Variants in FMN2 observed in about 807,000 individuals in gnomAD.
FMN2 encodes the protein formin 2, also known as formin-2.
Under a neutral mutation model 142.3 loss-of-function variants are expected in FMN2, and 51 were observed. The observed-to-expected ratio is 0.36, with a 90% CI of 0.29 to 0.45. The LOEUF is 0.45. Among genes scored for constraint, FMN2 ranks in the 20% least tolerant of loss-of-function variants. The probability of loss-of-function intolerance (pLI) is 1.00; values close to 1 mark genes in which losing one functional copy is unlikely to be tolerated. For missense variants in FMN2, 1,936 were observed against 2,122.8 expected, an observed-to-expected ratio of 0.91 and a Z score of 1.73; for synonymous variants, 882 against 869.8, an observed-to-expected ratio of 1.01 and a Z score of -0.25.
intron 2 of FMN2, chr1:240,142,567 G>GCAA: frequency 8.4e-7 from 1 of 1,196,204 alleles, no homozygotes; most frequent in Non-Finnish European, 1.2e-6. Flanking sequence ...AGAGCAGGAG[G>GCAA]CAACAATTCC....
At chr1:240,094,577 A>AGCTTACAG (rs1553322891) in intron 1 of FMN2, among the ~76,000 whole-genome samples, 1 of 152,174 alleles carries the variant, frequency 6.6e-6, no homozygotes, top group Non-Finnish European at 1.5e-5. Context: ...AGTTTATCCT[A>AGCTTACAG]GCTTACAGGC....
chr1:240,329,379 C>A lies in FMN2; in HGVS notation c.4348C>A (p.Arg1450=). ...GTCACTAATCCCCAACTTTTCAGAG[C>A]GAGTCTTTTGCATCCTGTTCCAGTC... The part of the protein sequence containing the change: ...ELSLIPNFSE[R]VFCILFQSTF... The change falls in exon 10 of 18, where the codon CGA becomes AGA. Residue 1450 remains arginine (R), a synonymous_variant. Transcript: ENST00000319653. 6.2e-7 allele frequency: 1 copy of A among 1,613,834 alleles called. No individual in the cohort carries two copies. Among genetic ancestry groups the A allele is most frequent in the Non-Finnish European group, 8.5e-7 (1 of 1,179,910 alleles).
At chr1:240,232,119 G>C (rs779242997) in intron 6 of FMN2, among the ~76,000 whole-genome samples, 5 of 151,730 alleles carry the variant, frequency 3.3e-5, no homozygotes, top group Non-Finnish European at 7.4e-5. Context: ...CACCAGGCTG[G>C]AGTGCAATGA....
At chr1:240,245,882 A>G (rs932196950) in intron 6 of FMN2, among the ~76,000 whole-genome samples, 10 of 152,132 alleles carry the variant, frequency 6.6e-5, no homozygotes, top group Non-Finnish European at 1.5e-5. Flanking sequence ...GGAAAAGGAT[A>G]GAGAAAGTAG....
intron 4 of FMN2, among the ~76,000 whole-genome samples, chr1:240,196,069 G>T (rs1665899118): frequency 6.6e-6 from 1 of 152,220 alleles, no homozygotes; most frequent in South Asian, 2.1e-4. Flanking sequence ...AGTAGGCAGA[G>T]TGAGTGATGG....
At chr1:240,143,575 G>C (rs917501094) in intron 2 of FMN2, 1 of 1,606,508 alleles carries the variant, frequency 6.2e-7, no homozygotes, top group Non-Finnish European at 8.5e-7. Flanking sequence ...CACATTCCCA[G>C]AGCCTGCCTA....
chr1:240,339,703 G>T (rs541343820), intron 13 of FMN2, among the ~76,000 whole-genome samples: 1 of 151,254 alleles, frequency 6.6e-6, no homozygotes, highest in South Asian at 2.1e-4. Flanking sequence ...TTTATCTTTT[G>T]TTCTATCTGG....
chr1:240,207,120 C>T lies in FMN2; in HGVS notation c.2308C>T (p.Pro770Ser), dbSNP rs773229569. 2 of 1,613,968 alleles carry T rather than the reference C, an allele frequency of 1.2e-6. No individual in the cohort carries two copies. Among genetic ancestry groups the T allele is most frequent in the Non-Finnish European group, 1.7e-6 (2 of 1,179,982 alleles). The change falls in exon 5 of 18, where the codon CCC (proline) becomes TCC (serine). Residue 770 changes from proline (P) to serine (S), a missense_variant. Pro to Ser is a moderately conservative substitution (Grantham distance 74). Transcript: ENST00000319653. ...VDGLPGRPPC[P>S]PGAESGPQTK... ...TGGGCTGCCAGGGCGTCCTCCATGC[C>T]CCCCTGGGGCTGAAAGTGGACCTCA...
At chr1:240,301,587 A>T (rs2102973310) in intron 8 of FMN2, among the ~76,000 whole-genome samples, 1 of 151,490 alleles carries the variant, frequency 6.6e-6, no homozygotes, top group African/African-American at 2.4e-5. Flanking sequence ...TCATCTTAGA[A>T]TTTTTTTTAT....
At chr1:240,405,220 A>G (rs1674106738) in intron 15 of FMN2, among the ~76,000 whole-genome samples, 2 of 152,154 alleles carry the variant, frequency 1.3e-5, no homozygotes, top group African/African-American at 4.8e-5. Flanking sequence ...AGGGCTGGAG[A>G]GGGCGAAGAT....
At chr1:240,434,787 T>C (rs891642386) in intron 15 of FMN2, among the ~76,000 whole-genome samples, 1 of 150,284 alleles carries the variant, frequency 6.7e-6, no homozygotes, top group Non-Finnish European at 1.5e-5. Flanking sequence ...TTAGCCAGGA[T>C]GGTCTCGATC....
intron 15 of FMN2, among the ~76,000 whole-genome samples, chr1:240,411,479 G>C (rs754488143): frequency 6.6e-6 from 1 of 151,798 alleles, no homozygotes; most frequent in Non-Finnish European, 1.5e-5. Flanking sequence ...GCTGAGGCAG[G>C]AGAATCGCTT....
intron 6 of FMN2, among the ~76,000 whole-genome samples, chr1:240,241,601 A>G (rs1215329531): frequency 1.3e-5 from 2 of 152,108 alleles, no homozygotes; most frequent in African/African-American, 4.8e-5. Context: ...CTCAATACAT[A>G]ATAGTTATTA....
rs1676877863 is a variant in FMN2 at position 240,473,538 on chromosome 1, G to T, written c.5143-590G>T. Among the ~76,000 whole-genome samples the T allele has an allele frequency of 6.6e-6, 1 of 152,104 alleles. No homozygotes were observed. The highest frequency in any genetic ancestry group is 1.5e-5 in the Non-Finnish European group (1 of 68,026). On this transcript the variant is annotated intron_variant, in intron 17 of 17. Transcript: ENST00000319653. The surrounding 1 kb of genome is among the most constrained non-coding windows in gnomAD (Gnocchi z 4.3). ...AAAAGACATTAAAATAACCCAAATT[G>T]GGATATGATTAAATAGCCCTGTTTT... is the stretch of plus-strand genomic sequence containing the variant.
rs187781765 is a variant in FMN2 at position 240,312,089 on chromosome 1, A to G, written c.4216-16987A>G. 3.0e-4 allele frequency among the ~76,000 whole-genome samples: 46 copies of G among 152,318 alleles called. No homozygotes were observed. The East Asian group carries it at 8.3e-3, about 27-fold the overall frequency. ...GTTTCATGTTCACATTGTGGAATTTATGGCCATTTACTTTTTGTAGGCGGG... is the reference window on the plus strand; with the variant it reads ...GTTTCATGTTCACATTGTGGAATTTGTGGCCATTTACTTTTTGTAGGCGGG... On this transcript the variant is annotated intron_variant, in intron 8 of 17. Coordinates refer to ENST00000319653, the MANE Select transcript of FMN2 (RefSeq NM_020066.5).
At chr1:240,261,141 T>C (rs1668612231) in intron 7 of FMN2, among the ~76,000 whole-genome samples, 1 of 152,216 alleles carries the variant, frequency 6.6e-6, no homozygotes. Context: ...ACCATGCTGT[T>C]TTGGTGACTA....
At chr1:240,459,352 A>G (rs1572337638) in intron 16 of FMN2, 1 of 152,222 alleles carries the variant, frequency 6.6e-6, no homozygotes, top group East Asian at 1.9e-4. Context: ...AGCACAGACC[A>G]TCACAGTTCC....
Position 240,303,011 on chromosome 1 carries a change from A to C in FMN2, c.4215+8128A>C, listed in dbSNP as rs988412672. 2.0e-5 allele frequency among the ~76,000 whole-genome samples: 3 copies of C among 151,442 alleles called. No homozygotes were observed. The Admixed American group carries it at 2.0e-4, about 10-fold the overall frequency. On this transcript the variant is annotated intron_variant, in intron 8 of 17. Coordinates refer to ENST00000319653, the MANE Select transcript of FMN2 (RefSeq NM_020066.5). Reference sequence around the variant, plus strand: ...AAAGATAATTTCTATGTAGAGCAAGATATTTGTTTTTGTTATTGTCTCTAT... The same window carrying C: ...AAAGATAATTTCTATGTAGAGCAAGCTATTTGTTTTTGTTATTGTCTCTAT...
At position 240,124,833 on chromosome 1, in the gene FMN2, A is replaced by C. The variant is rs146463369; in HGVS notation, c.1782+1488A>C. Among the ~76,000 whole-genome samples the C allele has an allele frequency of 1.3e-4, 20 of 151,982 alleles. No homozygotes were observed. In the East Asian group the frequency reaches 3.7e-3, roughly 28 times the overall value. On this transcript the variant is annotated intron_variant, in intron 2 of 17. Transcript: ENST00000319653. ...CAGGTGCGCACCACTATGCCTGGCT[A>C]ATTTTTGTATTTTTAGTAGAGACGG...
Sources: allele counts gnomAD v4.1 joint callset (sites outside exome capture counted in the v4.1 genomes callset), GRCh38; gene constraint gnomAD v4.1.1; non-coding constraint Gnocchi (gnomAD v3.1); transcripts MANE v1.5; gene names NCBI Gene and HGNC (gene_info 2026-07-23, HGNC 2026-07-21).